The following SLC36A2 variants were observed in gnomAD, a reference collection of about 807,000 sequenced individuals.
SLC36A2 encodes the protein solute carrier family 36 member 2.
SLC36A2 carries 39 observed loss-of-function variants against 42.7 expected under a neutral mutation model. That is an observed-to-expected ratio of 0.91 (90% confidence interval 0.71 to 1.19). The LOEUF (loss-of-function observed/expected upper bound fraction) is 1.19, where lower values mean the gene tolerates loss of function less well. Ranked by LOEUF, SLC36A2 falls within the 50% of genes most tolerant of loss-of-function variation. The pLI, the probability that SLC36A2 is intolerant of heterozygous loss-of-function variation, is 0.00. For missense variants in SLC36A2, 590 were observed against 613.7 expected, an observed-to-expected ratio of 0.96 and a Z score of 0.41; for synonymous variants, 237 against 240.8, an observed-to-expected ratio of 0.98 and a Z score of 0.15.
At chr5:151,338,763 G>A (rs755586459) in intron 5 of SLC36A2, 12 of 306,134 alleles carry the variant, frequency 3.9e-5, no homozygotes, top group East Asian at 7.5e-5. Flanking sequence ...GAAGCGTTAA[G>A]TATAATTAAG....
In SLC36A2 at chr5:151,316,923, A is replaced by T; in HGVS notation, c.1346T>A (p.Ile449Asn). ...CACCACAAAGCCCACGAAGCCCAGG[A>T]TGCTGATCAGGGCGTCCTTGAAGAT... ...LTIFKDALIS[I>N]LGFVGFVVGT... The change falls in exon 10 of 10, where the codon ATC becomes AAC. Residue 449 changes from isoleucine to asparagine, a missense_variant. Physicochemically the swap from Ile to Asn is moderately radical, Grantham distance 149. Coordinates refer to ENST00000335244, the MANE Select transcript of SLC36A2 (RefSeq NM_181776.3). 6.2e-7 allele frequency: 1 copy of T among 1,614,060 alleles called. No homozygotes were observed.
chr5:151,333,744 C>T (rs925820859), intron 6 of SLC36A2, among the ~76,000 whole-genome samples: 3 of 152,088 alleles, frequency 2.0e-5, no homozygotes, highest in Non-Finnish European at 2.9e-5. Context: ...CGCCTGTAGT[C>T]CCAGCTACTC....
rs141749392 is a variant in SLC36A2, at chr5:151,343,554, G to C, written c.300C>G (p.His100Gln). The C allele has an allele frequency of 1.4e-5, 23 of 1,614,220 alleles. No individual in the cohort carries two copies. The African/African-American group carries it at 3.1e-4, about 22-fold the overall frequency. The change falls in exon 3 of 10, where the codon CAC (histidine) becomes CAG (glutamine). Residue 100 changes from histidine to glutamine, a missense_variant. By Grantham distance (24) the His-to-Gln change is conservative. Transcript: ENST00000335244. ...CACACTTGACCAGGATGTGCATACA[G>C]TGGCAGGCAATGAAGCCCATCACCA... ...SLLVMGFIAC[H>Q]CMHILVKCAQ...
intron 8 of SLC36A2, among the ~76,000 whole-genome samples, chr5:151,324,531 C>T (rs1286541005): frequency 1.3e-5 from 2 of 152,102 alleles, no homozygotes; most frequent in African/African-American, 2.4e-5. Flanking sequence ...GAGGTTTTGC[C>T]ATGTTGGCCA....
rs1250851022 is a variant in SLC36A2, at chr5:151,347,287, C to T, written c.164+10G>A. On this transcript the variant is annotated intron_variant, in intron 1 of 9. Coordinates refer to ENST00000335244, the MANE Select transcript of SLC36A2 (RefSeq NM_181776.3). ...AAGCAGAAATAGGGATGGCAGAAAA[C>T]AGCACTCACGTTATGCCCTTGGTCT... 6 of 1,614,038 alleles carry T rather than the reference C, an allele frequency of 3.7e-6. No homozygotes were observed. The South Asian group carries it at 5.5e-5, about 15-fold the overall frequency.
chr5:151,328,728 A>G (rs934948190), intron 7 of SLC36A2, among the ~76,000 whole-genome samples: 1 of 152,160 alleles, frequency 6.6e-6, no homozygotes, highest in Non-Finnish European at 1.5e-5. Flanking sequence ...AGTACTGGCT[A>G]CCTAATTTAT....
rs367618790 is a variant in SLC36A2, at chr5:151,336,693, AC to A, written c.526-1147del. ...TGTGATAAACAAGAAACCGTCCCCC[AC>A]CCCCCCACACATTATGAACACCCCC... On this transcript the variant is annotated intron_variant, in intron 5 of 9. Transcript: ENST00000335244. Among the ~76,000 whole-genome samples the A allele has an allele frequency of 5.6e-4, 60 of 107,178 alleles. 1 individual carries two copies. The East Asian group carries it at 0.016, about 28-fold the overall frequency. The allele number at this position is 107,178 out of a possible 152,430, so 70.3% of individuals were successfully genotyped here.
chr5:151,334,664 CT>C lies in SLC36A2; in HGVS notation c.744+664del, dbSNP rs201166225. 3.9e-3 allele frequency among the ~76,000 whole-genome samples: 596 copies of C among 152,190 alleles called. 3 individuals carry two copies. Among genetic ancestry groups the C allele is most frequent in the African/African-American group, 0.014 (565 of 41,512 alleles). On this transcript the variant is annotated intron_variant, in intron 6 of 9. Transcript: ENST00000335244. ...TGAGATTGTACCGCTGCACTCCAGC[CT>C]GGGTGAAAGATCGAGAGTCTGTCTC... is the stretch of plus-strand genomic sequence containing the variant.
At chr5:151,346,459 C>T (rs1224416972) in intron 1 of SLC36A2, among the ~76,000 whole-genome samples, 1 of 152,078 alleles carries the variant, frequency 6.6e-6, no homozygotes, top group East Asian at 1.9e-4. Flanking sequence ...TTCACACTGC[C>T]ACCTGTTTTG....
chr5:151,327,733 G>A lies in SLC36A2; in HGVS notation c.844-2281C>T, dbSNP rs557363894. Among the ~76,000 whole-genome samples the A allele has an allele frequency of 2.0e-5, 3 of 152,146 alleles. No homozygotes were observed. The East Asian group carries it at 5.8e-4, about 29-fold the overall frequency. On this transcript the variant is annotated intron_variant, in intron 7 of 9. Coordinates refer to ENST00000335244, the MANE Select transcript of SLC36A2 (RefSeq NM_181776.3). The stretch of plus-strand genomic sequence containing the variant: ...CTTTTCACAAGGCCTGCTCAGACTG[G>A]GTAGCTGGCTTCCTTTCTTTCTCTC...
In SLC36A2 at chr5:151,316,271, G is replaced by C. The variant is rs1209462644; in HGVS notation, c.*546C>G. On this transcript the variant is annotated 3_prime_UTR_variant, in exon 10 of 10. Transcript: ENST00000335244. ...GTGAATTATCATAAGCTTGGATAGA[G>C]TCCAGAGCCTTCCAAGGGAAAGCTC... 1 of 160,642 alleles carries C rather than the reference G, an allele frequency of 6.2e-6. No homozygotes were observed. The highest frequency in any genetic ancestry group is 2.4e-5 in the African/African-American group (1 of 41,490). The allele number at this position is 160,642 out of a possible 1,614,324, so 10.0% of individuals were successfully genotyped here.
chr5:151,347,203 G>A, intron 1 of SLC36A2, 94 bp downstream of exon 1: 1 of 1,469,126 alleles, frequency 6.8e-7, no homozygotes, highest in Non-Finnish European at 9.5e-7. Context: ...TCTGCACAGT[G>A]GGTTGAGGGT....
intron 8 of SLC36A2, among the ~76,000 whole-genome samples, chr5:151,324,424 C>G (rs1755794322): frequency 6.6e-6 from 1 of 152,034 alleles, no homozygotes; most frequent in African/African-American, 2.4e-5. Context: ...CCTCTGCCTC[C>G]CAGGTTTAAG....
intron 1 of SLC36A2, among the ~76,000 whole-genome samples, chr5:151,345,175 C>T (rs1756458938): frequency 6.6e-6 from 1 of 152,182 alleles, no homozygotes; most frequent in African/African-American, 2.4e-5. Context: ...GTACCTGTAC[C>T]AGGTTAAGTC....
intron 7 of SLC36A2, chr5:151,332,316 A>G: frequency 2.4e-6 from 1 of 418,258 alleles, no homozygotes; most frequent in Admixed American, 2.8e-5. Context: ...AAAGACAAAC[A>G]GCCTAATTAA....
chr5:151,329,645 A>T (rs999357511), intron 7 of SLC36A2, among the ~76,000 whole-genome samples: 1 of 150,664 alleles, frequency 6.6e-6, no homozygotes, highest in African/African-American at 2.5e-5. Context: ...CTGGAAAATA[A>T]GAAAAATTTA....
Position 151,325,426 on chromosome 5 carries a change from C to A in SLC36A2, c.870G>T (p.Lys290Asn), listed in dbSNP as rs375708755. The change falls in exon 8 of 10, where the codon AAG becomes AAT. Residue 290 changes from lysine (K) to asparagine (N), a missense_variant. Coordinates refer to ENST00000335244, the MANE Select transcript of SLC36A2 (RefSeq NM_181776.3). ...GVVLPLENKM[K>N]NARHFPAILS... ...GGATGGCTGGGAAGTGGCGGGCATT[C>A]TTCATCTTGTTTTCCAGAGGCAGAA... 4 of 1,613,948 alleles carry A rather than the reference C, an allele frequency of 2.5e-6. No individual in the cohort carries two copies. The highest frequency in any genetic ancestry group is 3.4e-6 in the Non-Finnish European group (4 of 1,180,000).
chr5:151,316,740 CAAAAAAAAA>C lies in SLC36A2; in HGVS notation c.*68_*76del, dbSNP rs33912867. The C allele has an allele frequency of 4.2e-4, 374 of 896,144 alleles. 3 individuals are homozygous for C. The highest frequency in any genetic ancestry group is 5.1e-4 in the Non-Finnish European group (345 of 676,766). The allele number at this position is 896,144 out of a possible 1,614,324, so 55.5% of individuals were successfully genotyped here. ...GGGCAACAAGACAGAAACTCCGTCTCAAAAAAAAAAAAAAAAAAAAAAAGAGATCCATAT... is the reference window on the plus strand; with the variant it reads ...GGGCAACAAGACAGAAACTCCGTCTCAAAAAAAAAAAAAAGAGATCCATAT... On this transcript the variant is annotated 3_prime_UTR_variant, in exon 10 of 10. Coordinates refer to ENST00000335244, the MANE Select transcript of SLC36A2 (RefSeq NM_181776.3).
intron 5 of SLC36A2, chr5:151,338,842 G>A (rs1756235143): frequency 1.2e-5 from 5 of 433,698 alleles, no homozygotes; most frequent in Middle Eastern, 6.7e-4. Flanking sequence ...TCAACTTTGA[G>A]AACAGGTCTA....
Sources: allele counts gnomAD v4.1 joint callset (sites outside exome capture counted in the v4.1 genomes callset), GRCh38; gene constraint gnomAD v4.1.1; transcripts MANE v1.5; gene names NCBI Gene and HGNC (gene_info 2026-07-23, HGNC 2026-07-21).